Variants in IPO11 observed in about 807,000 individuals in gnomAD.
IPO11 encodes importin 11.
In IPO11, 66 loss-of-function variants were observed where a neutral mutation model predicts 143.2. The ratio of observed to expected loss-of-function variants is 0.46; its 90% CI spans 0.38 to 0.57. The LOEUF (loss-of-function observed/expected upper bound fraction) is 0.57, where lower values mean the gene tolerates loss of function less well. IPO11 is among the 20% of genes least tolerant of loss of function. The pLI, the probability that IPO11 is intolerant of heterozygous loss-of-function variation, is 0.00. For missense variants in IPO11, 1,026 were observed against 1,141.0 expected (o/e 0.90, Z 1.45); for synonymous variants, 385 against 377.8 (o/e 1.02, Z -0.22).
At chr5:62,617,687 A>G (rs1467636616) in intron 29 of IPO11, among the ~76,000 whole-genome samples, 1 of 152,150 alleles carries the variant, frequency 6.6e-6, no homozygotes, top group Non-Finnish European at 1.5e-5. Context: ...CATTGCTGGA[A>G]ACTGAATGGA....
chr5:62,504,832 C>A, intron 17 of IPO11, 26 bp from the exon 18 acceptor site: 1 of 1,482,630 alleles, frequency 6.7e-7, no homozygotes, highest in Non-Finnish European at 9.2e-7. Context: ...CTTATATATT[C>A]TCAGTATTCC....
intron 29 of IPO11, among the ~76,000 whole-genome samples, chr5:62,619,013 T>C (rs1242595560): frequency 1.3e-5 from 2 of 151,726 alleles, no homozygotes; most frequent in Non-Finnish European, 2.9e-5. Context: ...GGTGGATCAC[T>C]TGAGGTCAGG....
At position 62,476,674 on chromosome 5, in the gene IPO11, T is replaced by G; in HGVS notation, c.758-9T>G. The G allele has an allele frequency of 6.6e-7, 1 of 1,507,264 alleles. No individual in the cohort carries two copies. Among genetic ancestry groups the G allele is most frequent in the Non-Finnish European group, 8.9e-7 (1 of 1,126,182 alleles). 93.4% of individuals were successfully genotyped at this position (1,507,264 alleles called of 1,614,324 possible). ...TTAACTTCTAATATTTGAAATGTATTTTTAACAGGTAGAAGTATAGGTACA... is the reference window on the plus strand; with the variant it reads ...TTAACTTCTAATATTTGAAATGTATGTTTAACAGGTAGAAGTATAGGTACA... On this transcript the variant is annotated splice_polypyrimidine_tract_variant and intron_variant, in intron 8 of 29. Coordinates refer to ENST00000325324, the MANE Select transcript of IPO11 (RefSeq NM_016338.5).
At chr5:62,430,173 T>C (rs932673825) in intron 1 of IPO11, among the ~76,000 whole-genome samples, 2 of 152,218 alleles carry the variant, frequency 1.3e-5, no homozygotes, top group African/African-American at 4.8e-5. Flanking sequence ...TATGGACATA[T>C]TCATTTCTCT....
intron 16 of IPO11, among the ~76,000 whole-genome samples, chr5:62,495,582 C>T (rs1175066457): frequency 6.6e-6 from 1 of 152,106 alleles, no homozygotes; most frequent in Non-Finnish European, 1.5e-5. Flanking sequence ...TTAGCTGATC[C>T]TCCCACCTCA....
chr5:62,569,210 C>A (rs192359420), intron 27 of IPO11, among the ~76,000 whole-genome samples: 1 of 152,128 alleles, frequency 6.6e-6, no homozygotes, highest in African/African-American at 2.4e-5. Flanking sequence ...TCTCTCTCCC[C>A]CAAGCACACA....
At chr5:62,450,087 A>G in intron 4 of IPO11, 88 bp downstream of exon 4, 1 of 813,880 alleles carries the variant, frequency 1.2e-6, no homozygotes, top group Non-Finnish European at 2.0e-6. Flanking sequence ...ATGAAAAATA[A>G]AAATATCACT....
intron 13 of IPO11, among the ~76,000 whole-genome samples, chr5:62,488,853 A>G (rs1362789269): frequency 6.6e-6 from 1 of 151,968 alleles, no homozygotes; most frequent in African/African-American, 2.4e-5. Flanking sequence ...AATTAGGAAA[A>G]TTAGCTGGGC....
chr5:62,471,069 C>T (rs1745757826), intron 7 of IPO11, among the ~76,000 whole-genome samples: 1 of 151,202 alleles, frequency 6.6e-6, no homozygotes, highest in Admixed American at 6.6e-5. Context: ...CTCAAGTGAT[C>T]TGCCCTTTTT....
At chr5:62,504,581 T>G (rs1741479916) in intron 16 of IPO11, 86 bp from the exon 17 acceptor site, 3 of 743,664 alleles carry the variant, frequency 4.0e-6, no homozygotes, top group South Asian at 3.5e-5. Flanking sequence ...GTACAGAAAG[T>G]GATTTGGAAT....
chr5:62,447,067 A>T (rs186489795), intron 3 of IPO11, among the ~76,000 whole-genome samples: 1 of 151,640 alleles, frequency 6.6e-6, no homozygotes, highest in African/African-American at 2.4e-5. Context: ...TAATTTAATT[A>T]CCTTTCTATG....
intron 3 of IPO11, among the ~76,000 whole-genome samples, chr5:62,448,920 CTT>C (rs1416611014): frequency 1.3e-5 from 2 of 152,082 alleles, no homozygotes; most frequent in South Asian, 2.1e-4. Flanking sequence ...TGTAATCCCT[CTT>C]GTCTTTAATG....
chr5:62,466,431 T>G (rs1745578859), intron 5 of IPO11, among the ~76,000 whole-genome samples: 1 of 152,218 alleles, frequency 6.6e-6, no homozygotes, highest in Non-Finnish European at 1.5e-5. Flanking sequence ...CATTCCGAAG[T>G]ATGCTGATGA....
At chr5:62,557,292 T>C (rs571243596) in intron 26 of IPO11, among the ~76,000 whole-genome samples, 1 of 152,260 alleles carries the variant, frequency 6.6e-6, no homozygotes, top group South Asian at 2.1e-4. Context: ...CAAGTGATTC[T>C]CCTGCCTCAG....
intron 21 of IPO11, among the ~76,000 whole-genome samples, chr5:62,526,911 A>T (rs1430829726): frequency 6.6e-6 from 1 of 152,244 alleles, no homozygotes; most frequent in Non-Finnish European, 1.5e-5. Flanking sequence ...AGTGCAGTTA[A>T]AGAAAGCAAA....
chr5:62,547,019 A>G (rs1181855674), intron 24 of IPO11, among the ~76,000 whole-genome samples: 11 of 152,294 alleles, frequency 7.2e-5, no homozygotes, highest in East Asian at 1.9e-4. Flanking sequence ...GGGGAAAAAT[A>G]AAAACAATTC....
intron 29 of IPO11, among the ~76,000 whole-genome samples, chr5:62,613,563 A>G (rs1746011764): frequency 6.6e-6 from 1 of 151,818 alleles, no homozygotes; most frequent in South Asian, 2.1e-4. Flanking sequence ...TCAGCCTCCC[A>G]AAGTACTGGG....
rs940429422 is a variant in IPO11, at chr5:62,584,321, G to T, written c.2583-7256G>T. The stretch of plus-strand genomic sequence containing the variant: ...GTGATCAGGAGATAGGAGAGGCTGG[G>T]CACGGTGATTCACACCAGTGATCCC... On this transcript the variant is annotated intron_variant, in intron 27 of 29. Coordinates refer to ENST00000325324, the MANE Select transcript of IPO11 (RefSeq NM_016338.5). Among the ~76,000 whole-genome samples, 4 of 152,096 alleles carry T rather than the reference G, an allele frequency of 2.6e-5. No individual in the cohort carries two copies. In the East Asian group the frequency reaches 5.8e-4, roughly 22 times the overall value.
intron 20 of IPO11, among the ~76,000 whole-genome samples, chr5:62,516,461 T>C (rs893682015): frequency 6.6e-6 from 1 of 152,050 alleles, no homozygotes; most frequent in African/African-American, 2.4e-5. Flanking sequence ...GCCTGGCTAA[T>C]TTTTGTATTT....
Sources: allele counts gnomAD v4.1 joint callset (sites outside exome capture counted in the v4.1 genomes callset), GRCh38; gene constraint gnomAD v4.1.1; transcripts MANE v1.5; gene names NCBI Gene and HGNC (gene_info 2026-07-23, HGNC 2026-07-21).